The following SYNE2 variants were observed in gnomAD, a reference collection of about 807,000 sequenced individuals.
The protein encoded by SYNE2 is spectrin repeat containing nuclear envelope protein 2, also known as nesprin-2.
SYNE2 carries 431 observed loss-of-function variants against 856.3 expected under a neutral mutation model. The ratio of observed to expected loss-of-function variants is 0.50; its 90% CI spans 0.47 to 0.55. The LOEUF (loss-of-function observed/expected upper bound fraction) is 0.55. Among genes scored for constraint, SYNE2 ranks in the 20% least tolerant of loss-of-function variants. SYNE2 has a pLI of 0.00. For missense variants in SYNE2, 8,129 were observed against 8,023.2 expected (o/e 1.01, Z -0.50); for synonymous variants, 2,923 against 2,872.3 (o/e 1.02, Z -0.56).
intron 1 of SYNE2, among the ~76,000 whole-genome samples, chr14:63,765,994 G>A (rs1307761118): frequency 6.6e-6 from 1 of 151,920 alleles, no homozygotes; most frequent in South Asian, 2.1e-4. Context: ...GACAGAGCAA[G>A]ACCCTGTCTC....
Position 64,143,790 on chromosome 14 carries a change from G to A in SYNE2, c.15325G>A (p.Asp5109Asn), listed in dbSNP as rs1223295020. Residue 5109 changes from aspartate (D) to asparagine (N), a missense_variant, in exon 83 of 116, where the codon GAC (aspartate) becomes AAC (asparagine). Transcript: ENST00000555002. ...ATTTTAGGAGTTTAGAATGGAAATG[G>A]ACTATAAACAGTGGATAGTTGACTT... is the stretch of plus-strand genomic sequence containing the variant. Reference protein sequence around the residue: ...QKHKEFRMEMDYKQWIVDFVN... With the variant: ...QKHKEFRMEMNYKQWIVDFVN... 7.4e-6 allele frequency: 12 copies of A among 1,614,024 alleles called. No homozygotes were observed. Among genetic ancestry groups the A allele is most frequent in the South Asian group, 1.1e-5 (1 of 91,086 alleles).
At position 64,225,738 on chromosome 14, in the gene SYNE2, C is replaced by A. The variant is rs1364575387; in HGVS notation, c.*212C>A. 2 of 620,228 alleles carry A rather than the reference C, an allele frequency of 3.2e-6. No homozygotes were observed. Among genetic ancestry groups the A allele is most frequent in the Admixed American group, 5.5e-5 (2 of 36,474 alleles). The allele number at this position is 620,228 out of a possible 1,614,324, so 38.4% of individuals were successfully genotyped here. A position where few individuals can be genotyped will look rare whatever the true frequency, so the allele number is the denominator to read the frequency against. ...GAGCAGGGAACCTGTGTGGCAGGTG[C>A]CCCGGGTATTTTGGCAGAACTAGTT... is the stretch of plus-strand genomic sequence containing the variant. On this transcript the variant is annotated 3_prime_UTR_variant, in exon 116 of 116. Coordinates refer to ENST00000555002, the MANE Select transcript of SYNE2 (RefSeq NM_182914.3).
chr14:64,090,747 G>A lies in SYNE2; in HGVS notation c.11794-119G>A. 13 of 916,948 alleles carry A rather than the reference G, an allele frequency of 1.4e-5. No homozygotes were observed. In the South Asian group the frequency reaches 2.3e-4, roughly 16 times the overall value. 56.8% of individuals were successfully genotyped at this position (916,948 alleles called of 1,614,324 possible). A position where few individuals can be genotyped will look rare whatever the true frequency, so the allele number is the denominator to read the frequency against. Reference sequence around the variant, plus strand: ...AATAGTTCTTTTCAATCTGAGCTAAGAAATTATTTTAAAAATGCAAACTAT... The same window carrying A: ...AATAGTTCTTTTCAATCTGAGCTAAAAAATTATTTTAAAAATGCAAACTAT... On this transcript the variant is annotated intron_variant, in intron 59 of 115. Transcript: ENST00000555002.
Position 64,126,770 on chromosome 14 carries a change from C to A in SYNE2, c.13880C>A (p.Ser4627Tyr), listed in dbSNP as rs2097950027. ...TQAAAVCRSK[S>Y]LKAGLDYNRS... ...GCTGCAGCTGTCTGTAGAAGCAAGT[C>A]CCTGAAAGCTGGCCTCGATTACAAC... The change falls in exon 73 of 116, where the codon TCC becomes TAC. Residue 4627 changes from serine (S) to tyrosine (Y), a missense_variant. Around this residue, in one of 3 missense-constraint regions of SYNE2, gnomAD observed 5,410 missense variants for 5,284.8 expected, o/e 1.02. Transcript: ENST00000555002. 3.1e-6 allele frequency: 5 copies of A among 1,613,658 alleles called. No homozygotes were observed. The highest frequency in any genetic ancestry group is 3.4e-6 in the Non-Finnish European group (4 of 1,180,042).
intron 48 of SYNE2, among the ~76,000 whole-genome samples, chr14:64,054,911 T>TA (rs1203974313): frequency 6.6e-6 from 1 of 152,256 alleles, no homozygotes; most frequent in East Asian, 1.9e-4. Context: ...TATGGCAATG[T>TA]AAAGTATTAT....
intron 107 of SYNE2, 42 bp from the exon 108 acceptor site, chr14:64,216,206 A>G: frequency 6.2e-7 from 1 of 1,613,042 alleles, no homozygotes; most frequent in Non-Finnish European, 8.5e-7. Context: ...TGACCCGTTC[A>G]GTAGGAGAGA....
chr14:64,113,171 G>C, intron 65 of SYNE2, 170 bp from the exon 66 acceptor site: 3 of 985,328 alleles, frequency 3.0e-6, no homozygotes, highest in Non-Finnish European at 3.6e-6. Context: ...TGTGGCACCA[G>C]GTCACGTGAT....
chr14:64,199,294 A>T (rs1279742179), intron 99 of SYNE2, among the ~76,000 whole-genome samples: 1 of 152,202 alleles, frequency 6.6e-6, no homozygotes, highest in Non-Finnish European at 1.5e-5. Flanking sequence ...AGTGCTTAAG[A>T]ACAGCAGCTC....
At chr14:63,767,089 C>T (rs1036335001) in intron 1 of SYNE2, among the ~76,000 whole-genome samples, 2 of 151,092 alleles carry the variant, frequency 1.3e-5, no homozygotes, top group African/African-American at 4.9e-5. Flanking sequence ...GTTCAGCCTG[C>T]ACAATCTTTT....
intron 94 of SYNE2, among the ~76,000 whole-genome samples, 169 bp downstream of exon 94, chr14:64,170,631 T>C (rs976631004): frequency 6.6e-6 from 1 of 152,104 alleles, no homozygotes; most frequent in Non-Finnish European, 1.5e-5. Context: ...GTCCCTAGCA[T>C]TGTGGGGTTG....
At chr14:63,872,432 CA>C (rs35493713) in intron 1 of SYNE2, among the ~76,000 whole-genome samples, 89,789 of 141,940 alleles carry the variant, frequency 0.63, 28,285 homozygotes, top group South Asian at 0.76. Flanking sequence ...GACACCATCT[CA>C]AAAAAAAAAA....
At chr14:63,905,844 A>G (rs546255913) in intron 1 of SYNE2, among the ~76,000 whole-genome samples, 1 of 152,104 alleles carries the variant, frequency 6.6e-6, no homozygotes, top group South Asian at 2.1e-4. Context: ...GTTGAATAGG[A>G]GTGGTGAGAG....
intron 1 of SYNE2, among the ~76,000 whole-genome samples, chr14:63,823,676 C>G (rs1418994035): frequency 6.7e-6 from 1 of 149,632 alleles, no homozygotes; most frequent in Non-Finnish European, 1.5e-5. Context: ...AGAATGCACT[C>G]TCAGGCTAGA....
intron 17 of SYNE2, among the ~76,000 whole-genome samples, 199 bp downstream of exon 17, chr14:63,982,993 C>G (rs904343500): frequency 1.3e-5 from 2 of 151,986 alleles, no homozygotes; most frequent in Non-Finnish European, 1.5e-5. Context: ...ACCCCCACCC[C>G]CTAAGCCCTA....
chr14:64,025,703 C>G (rs186309280), intron 41 of SYNE2, among the ~76,000 whole-genome samples: 1 of 152,254 alleles, frequency 6.6e-6, no homozygotes, highest in African/African-American at 2.4e-5. Context: ...GACAATGAAT[C>G]AGAGCTGCTA....
At chr14:64,017,819 G>A (rs1307761594) in intron 34 of SYNE2, 63 bp downstream of exon 34, 1 of 1,526,278 alleles carries the variant, frequency 6.6e-7, no homozygotes, top group Non-Finnish European at 9.0e-7. Flanking sequence ...TATTTTTTAT[G>A]AATATAGTCA....
At position 63,966,783 on chromosome 14, in the gene SYNE2, C is replaced by T. The variant is rs577097690; in HGVS notation, c.991-926C>T. On this transcript the variant is annotated intron_variant, in intron 10 of 115. Transcript: ENST00000555002. Reference sequence around the variant, plus strand: ...CCATGTTGCTCAGGCTAGTTTTGAACTCCTGGGCTCAAGTGATGCACCTGC... The same window carrying T: ...CCATGTTGCTCAGGCTAGTTTTGAATTCCTGGGCTCAAGTGATGCACCTGC... Among the ~76,000 whole-genome samples the T allele has an allele frequency of 3.2e-4, 49 of 152,216 alleles. No homozygotes were observed. The South Asian group carries it at 9.3e-3, about 29-fold the overall frequency.
At chr14:63,896,610 C>G (rs1353857034) in intron 1 of SYNE2, among the ~76,000 whole-genome samples, 2 of 152,212 alleles carry the variant, frequency 1.3e-5, no homozygotes, top group Non-Finnish European at 2.9e-5. Context: ...CCTCATTTAA[C>G]AGATGAAGAA....
In SYNE2 at chr14:64,152,628, C is replaced by T; in HGVS notation, c.15704C>T (p.Thr5235Ile). The T allele has an allele frequency of 1.9e-6, 3 of 1,614,062 alleles. 1 individual carries two copies. The South Asian group carries it at 3.3e-5, about 18-fold the overall frequency. The change falls in exon 85 of 116, where the codon ACT becomes ATT. Residue 5235 changes from threonine (T) to isoleucine (I), a missense_variant. Around this residue, in one of 3 missense-constraint regions of SYNE2, gnomAD observed 5,410 missense variants for 5,284.8 expected, o/e 1.02. Coordinates refer to ENST00000555002, the MANE Select transcript of SYNE2 (RefSeq NM_182914.3). ...GATGAGTTGAAACAAAGTTATCTGA[C>T]TTTGGAGAGTGGGGCAGTGCCATTG... ...ALDELKQSYL[T>I]LESGAVPLLE...
Sources: gnomAD v4.1 joint callset for allele counts (sites outside exome capture counted in the v4.1 genomes callset) on GRCh38, gnomAD v4.1.1 for gene constraint, gnomAD v4.1.1 regional missense constraint, MANE v1.5 for transcripts, NCBI Gene and HGNC (gene_info 2026-07-23, HGNC 2026-07-21) for gene names.